The following DLGAP2 variants were observed in gnomAD, a reference collection of about 807,000 sequenced individuals.
DLGAP2 encodes DLG associated protein 2.
In DLGAP2, 26 loss-of-function variants were observed where a neutral mutation model predicts 100.3. The observed-to-expected ratio is 0.26, with a 90% CI of 0.19 to 0.36. The LOEUF (loss-of-function observed/expected upper bound fraction) is 0.36, where lower values mean the gene tolerates loss of function less well. Among genes scored for constraint, DLGAP2 ranks in the 10% least tolerant of loss-of-function variants. The pLI is 1.00. For synonymous variants in DLGAP2, 886 were observed against 630.1 expected (o/e 1.41, Z -6.08); for missense variants, 1,858 against 1,453.2 (o/e 1.28, Z -4.53).
chr8:1,273,041 C>T (rs965300288), intron 3 of DLGAP2, among the ~76,000 whole-genome samples: 3 of 152,172 alleles, frequency 2.0e-5, no homozygotes, highest in Non-Finnish European at 2.9e-5. Context: ...CAACAAAGTC[C>T]ATTTGACCAC....
intron 3 of DLGAP2, among the ~76,000 whole-genome samples, chr8:1,316,971 T>G (rs1585253042): frequency 1.2e-5 from 1 of 82,246 alleles, no homozygotes; most frequent in Admixed American, 1.4e-4. Context: ...ATAGAGCGTG[T>G]GCAAGTGCAG....
At chr8:1,492,311 C>G (rs1799411410) in intron 3 of DLGAP2, among the ~76,000 whole-genome samples, 1 of 152,214 alleles carries the variant, frequency 6.6e-6, no homozygotes, top group African/African-American at 2.4e-5. Context: ...ATTGTCCTAA[C>G]GGAGCAGAAA....
intron 3 of DLGAP2, among the ~76,000 whole-genome samples, chr8:1,364,508 G>GGT (rs1554452288): frequency 3.3e-5 from 5 of 149,858 alleles, no homozygotes; most frequent in Non-Finnish European, 5.9e-5. Context: ...AGGGCGGGGG[G>GGT]GGTGCAGCGA....
At chr8:1,419,075 G>T (rs1797018821) in intron 3 of DLGAP2, among the ~76,000 whole-genome samples, 4 of 152,252 alleles carry the variant, frequency 2.6e-5, no homozygotes, top group Admixed American at 2.6e-4. Context: ...CCGCCTCCCT[G>T]TGTTCAGCCC....
At chr8:785,443 C>T (rs1821824207) in intron 1 of DLGAP2, among the ~76,000 whole-genome samples, 2 of 150,298 alleles carry the variant, frequency 1.3e-5, no homozygotes. Context: ...CTCCTCCCCT[C>T]AGGTCTCTCT....
rs1799650284 is a variant in DLGAP2, at chr8:1,704,388, G to A, written c.*2982G>A. ...TTAGAGCCGACAGGTTGATCCTGCT[G>A]TGTTGAAGGCTGTGGTTAATAAAAC... is the stretch of plus-strand genomic sequence containing the variant. On this transcript the variant is annotated 3_prime_UTR_variant, in exon 15 of 15. Transcript: ENST00000637795. 1 of 152,212 alleles carries A rather than the reference G, an allele frequency of 6.6e-6. No homozygotes were observed. Among genetic ancestry groups the A allele is most frequent in the South Asian group, 2.1e-4 (1 of 4,832 alleles). 9.4% of individuals were successfully genotyped at this position (152,212 alleles called of 1,614,324 possible).
chr8:1,389,273 G>T (rs1252927608), intron 3 of DLGAP2, among the ~76,000 whole-genome samples: 1 of 139,152 alleles, frequency 7.2e-6, no homozygotes, highest in Non-Finnish European at 1.5e-5. Context: ...CTTCCTCCCA[G>T]TCAGTGGGGA....
chr8:1,021,041 G>A (rs1057259313), intron 2 of DLGAP2, among the ~76,000 whole-genome samples: 2 of 152,192 alleles, frequency 1.3e-5, no homozygotes, highest in Non-Finnish European at 1.5e-5. Context: ...TACCATGCAC[G>A]TGTCACACCT....
chr8:1,519,514 A>G (rs533945670), intron 4 of DLGAP2, among the ~76,000 whole-genome samples: 3 of 152,336 alleles, frequency 2.0e-5, no homozygotes, highest in Non-Finnish European at 1.5e-5. Context: ...TTTCCTCTCC[A>G]GGAAGAGACT....
chr8:1,388,422 G>T (rs112612040), intron 3 of DLGAP2, among the ~76,000 whole-genome samples: 12 of 71,894 alleles, frequency 1.7e-4, no homozygotes, highest in South Asian at 6.9e-4. Flanking sequence ...ATGGGGAGGC[G>T]CTGGTTCAAG....
chr8:1,463,178 G>A (rs1387612755), intron 3 of DLGAP2, among the ~76,000 whole-genome samples: 10 of 152,208 alleles, frequency 6.6e-5, no homozygotes, highest in Non-Finnish European at 1.3e-4. Flanking sequence ...GAATCCAGGA[G>A]ATGGAGGCTG....
At chr8:974,462 A>G (rs1800111915) in intron 2 of DLGAP2, among the ~76,000 whole-genome samples, 1 of 152,240 alleles carries the variant, frequency 6.6e-6, no homozygotes, top group Non-Finnish European at 1.5e-5. Context: ...TCTCAAGCTT[A>G]TATGGAATAT....
intron 2 of DLGAP2, among the ~76,000 whole-genome samples, chr8:913,110 A>G (rs1487092824): frequency 1.3e-5 from 2 of 152,278 alleles, no homozygotes; most frequent in East Asian, 3.9e-4. Context: ...TTATATTTGG[A>G]TGTTGAGTAT....
chr8:1,311,870 C>T (rs1431392642), intron 3 of DLGAP2, among the ~76,000 whole-genome samples: 2 of 152,194 alleles, frequency 1.3e-5, no homozygotes, highest in South Asian at 2.1e-4. Flanking sequence ...AATGTATATG[C>T]ACCTGACAAC....
intron 2 of DLGAP2, among the ~76,000 whole-genome samples, chr8:1,160,366 C>A (rs568407383): frequency 6.6e-6 from 1 of 152,120 alleles, no homozygotes; most frequent in Non-Finnish European, 1.5e-5. Context: ...AAACTCGGGG[C>A]AAGGAAGTGC....
At chr8:1,185,241 C>G (rs972288052) in intron 2 of DLGAP2, among the ~76,000 whole-genome samples, 1 of 151,978 alleles carries the variant, frequency 6.6e-6, no homozygotes, top group Non-Finnish European at 1.5e-5. Flanking sequence ...ATTTTCTAGC[C>G]CGATATAATG....
chr8:1,683,418 G>A (rs536609548), intron 12 of DLGAP2, among the ~76,000 whole-genome samples: 1 of 151,430 alleles, frequency 6.6e-6, no homozygotes, highest in African/African-American at 2.4e-5. Context: ...CCTGCCTGTG[G>A]GGAGGGTCTG....
intron 3 of DLGAP2, among the ~76,000 whole-genome samples, chr8:1,325,428 G>A (rs574851720): frequency 6.6e-6 from 1 of 152,240 alleles, no homozygotes; most frequent in East Asian, 1.9e-4. Context: ...CTGCAGCCCG[G>A]CTGCTGTAGC....
At chr8:1,261,626 G>A (rs973154850) in intron 3 of DLGAP2, among the ~76,000 whole-genome samples, 1 of 152,244 alleles carries the variant, frequency 6.6e-6, no homozygotes, top group Non-Finnish European at 1.5e-5. Context: ...TCACTGGGCT[G>A]CGGTTCTCTG....
Sources: gnomAD v4.1 joint callset for allele counts (sites outside exome capture counted in the v4.1 genomes callset) on GRCh38, gnomAD v4.1.1 for gene constraint, MANE v1.5 for transcripts, NCBI Gene and HGNC (gene_info 2026-07-23, HGNC 2026-07-21) for gene names.